The following SPOP variants were observed in gnomAD, a reference collection of about 807,000 sequenced individuals.
The protein encoded by SPOP is speckle type BTB/POZ protein.
A neutral mutation model predicts 45.6 loss-of-function variants in SPOP; 11 were observed. The ratio of observed to expected loss-of-function variants is 0.24; its 90% CI spans 0.15 to 0.40. The LOEUF (loss-of-function observed/expected upper bound fraction) is 0.40. SPOP is among the 10% of genes least tolerant of loss of function. The probability of loss-of-function intolerance (pLI) is 1.00; values close to 1 mark genes in which losing one functional copy is unlikely to be tolerated. For missense variants in SPOP, 152 were observed against 465.6 expected (o/e 0.33, Z 6.20); for synonymous variants, 166 against 166.3 (o/e 1.00, Z 0.01).
At chr17:49,602,733 A>G (rs2071763323) in intron 8 of SPOP, among the ~76,000 whole-genome samples, 1 of 152,226 alleles carries the variant, frequency 6.6e-6, no homozygotes, top group African/African-American at 2.4e-5. Context: ...GGGTAAAAGG[A>G]CAAAGTGGCA....
intron 1 of SPOP, among the ~76,000 whole-genome samples, chr17:49,633,543 A>G (rs115031890): frequency 0.014 from 2,158 of 152,276 alleles, 64 homozygotes; most frequent in African/African-American, 0.05. Context: ...AAAAATCAAA[A>G]AAGCAGAAAA....
At chr17:49,664,607 G>C (rs759690921) in intron 1 of SPOP, among the ~76,000 whole-genome samples, 1 of 152,260 alleles carries the variant, frequency 6.6e-6, no homozygotes, top group Non-Finnish European at 1.5e-5. Flanking sequence ...AGACGACAGT[G>C]AGAATCACTG....
chr17:49,662,643 C>T (rs572246485), intron 1 of SPOP, among the ~76,000 whole-genome samples: 49 of 151,392 alleles, frequency 3.2e-4, no homozygotes, highest in South Asian at 2.9e-3. Context: ...GCCAAGATTG[C>T]GCCACTGCAC....
At chr17:49,610,748 C>T (rs1449250111) in intron 6 of SPOP, among the ~76,000 whole-genome samples, 1 of 152,174 alleles carries the variant, frequency 6.6e-6, no homozygotes, top group Non-Finnish European at 1.5e-5. Flanking sequence ...TCAGTCCTTC[C>T]TCATCAGTTC....
intron 6 of SPOP, among the ~76,000 whole-genome samples, chr17:49,609,520 C>G (rs186577757): frequency 5.9e-5 from 9 of 152,182 alleles, no homozygotes; most frequent in Admixed American, 5.2e-4. Flanking sequence ...TGAAGCAGAT[C>G]CTCAGGGCTC....
chr17:49,640,889 T>C (rs2072633962), intron 1 of SPOP, among the ~76,000 whole-genome samples: 1 of 152,152 alleles, frequency 6.6e-6, no homozygotes, highest in South Asian at 2.1e-4. Flanking sequence ...TTCCCCTAGA[T>C]GTTCTCAGGG....
At chr17:49,672,776 G>A (rs901726738) in intron 1 of SPOP, among the ~76,000 whole-genome samples, 4 of 151,966 alleles carry the variant, frequency 2.6e-5, no homozygotes, top group Non-Finnish European at 4.4e-5. Flanking sequence ...GTGAAACCCC[G>A]TCTCTACTAA....
At chr17:49,657,017 T>TA (rs761748523) in intron 1 of SPOP, among the ~76,000 whole-genome samples, 32 of 150,424 alleles carry the variant, frequency 2.1e-4, no homozygotes, top group Non-Finnish European at 3.8e-4. Context: ...CCGTCTCTAC[T>TA]AAAAAAAAAT....
chr17:49,655,819 T>A (rs148351066), intron 1 of SPOP, among the ~76,000 whole-genome samples: 2,346 of 151,836 alleles, frequency 0.015, 24 homozygotes, highest in Middle Eastern at 0.034. Context: ...ATGAAAAAAA[T>A]TTTTTTTTGA....
intron 1 of SPOP, among the ~76,000 whole-genome samples, chr17:49,677,548 T>C (rs1311580871): frequency 1.3e-5 from 2 of 152,218 alleles, no homozygotes; most frequent in East Asian, 3.9e-4. Flanking sequence ...CGCAGGTCCC[T>C]GCAACACCGC....
Position 49,600,513 on chromosome 17 carries a change from C to G in SPOP, c.990G>C (p.Ser330=). 2 of 1,613,924 alleles carry G rather than the reference C, an allele frequency of 1.2e-6. No homozygotes were observed. The highest frequency in any genetic ancestry group is 1.1e-5 in the South Asian group (1 of 91,074). The change falls in exon 10 of 10, where the codon TCG becomes TCC. Residue 330 remains serine, a synonymous_variant. Transcript: ENST00000504102. The surrounding 1 kb of genome is among the most constrained non-coding windows in gnomAD (Gnocchi z 4.2). ...QAVDFINYHA[S]DVLETSGWKS... is the part of the protein sequence containing the mutation. ...TCCACCCAGAGGTCTCCAAGACATC[C>G]GAAGCATGACTAGGAGAAATGTGGA...
intron 1 of SPOP, among the ~76,000 whole-genome samples, chr17:49,658,098 T>C (rs2072939244): frequency 6.6e-6 from 1 of 152,296 alleles, no homozygotes; most frequent in African/African-American, 2.4e-5. Context: ...CAGAATTCTA[T>C]GTAGTTACTT....
At chr17:49,627,564 TC>T (rs1597937028) in intron 1 of SPOP, among the ~76,000 whole-genome samples, 2 of 152,282 alleles carry the variant, frequency 1.3e-5, no homozygotes, top group East Asian at 3.9e-4. Context: ...CACTGAGTAA[TC>T]CTAAAATACC....
intron 1 of SPOP, among the ~76,000 whole-genome samples, chr17:49,658,226 A>T (rs1470033360): frequency 3.3e-5 from 5 of 152,212 alleles, no homozygotes; most frequent in African/African-American, 7.2e-5. Flanking sequence ...GCACATACAC[A>T]TTTAGAGAAA....
At position 49,600,726 on chromosome 17, in the gene SPOP, C is replaced by T. The variant is rs896038541; in HGVS notation, c.981-204G>A. On this transcript the variant is annotated intron_variant, in intron 9 of 9. Coordinates refer to ENST00000504102, the MANE Select transcript of SPOP (RefSeq NM_001007228.2). The surrounding 1 kb of genome is among the most constrained non-coding windows in gnomAD (Gnocchi z 4.2). Reference sequence around the variant, plus strand: ...CCTGTGGCTGTCGTCATCTGAAAACCAAGACTTTGAGCCACTATATTCTCA... The same window carrying T: ...CCTGTGGCTGTCGTCATCTGAAAACTAAGACTTTGAGCCACTATATTCTCA... 2.1e-5 allele frequency: 12 copies of T among 583,154 alleles called. No homozygotes were observed. Among genetic ancestry groups the T allele is most frequent in the African/African-American group, 3.7e-5 (2 of 53,524 alleles). 36.1% of individuals were successfully genotyped at this position (583,154 alleles called of 1,614,324 possible). A position where few individuals can be genotyped will look rare whatever the true frequency, so the allele number is the denominator to read the frequency against.
At chr17:49,650,047 A>G (rs2072820466) in intron 1 of SPOP, among the ~76,000 whole-genome samples, 1 of 150,892 alleles carries the variant, frequency 6.6e-6, no homozygotes, top group South Asian at 2.1e-4. Context: ...ATGCGCCACC[A>G]TGCCCGGCTA....
At chr17:49,649,945 A>G (rs553484100) in intron 1 of SPOP, among the ~76,000 whole-genome samples, 19 of 152,082 alleles carry the variant, frequency 1.2e-4, no homozygotes, top group South Asian at 8.3e-4. Context: ...AGGCTGGAGT[A>G]CAATGGCACG....
intron 1 of SPOP, among the ~76,000 whole-genome samples, chr17:49,651,236 G>A (rs1028376126): frequency 6.6e-6 from 1 of 152,194 alleles, no homozygotes; most frequent in African/African-American, 2.4e-5. Context: ...TTACCATTAA[G>A]TAGGGTCCAA....
chr17:49,638,820 T>A lies in SPOP; in HGVS notation c.-66-15944A>T, dbSNP rs184035228. On this transcript the variant is annotated intron_variant, in intron 1 of 9. Coordinates refer to ENST00000504102, the MANE Select transcript of SPOP (RefSeq NM_001007228.2). ...TGAGGTCAGGAGTTCGAGACTAGCC[T>A]GGCCAATGTGGTAAAACCCTGTCTC... is the stretch of plus-strand genomic sequence containing the variant. Among the ~76,000 whole-genome samples the A allele has an allele frequency of 1.5e-3, 233 of 152,282 alleles. 2 individuals are homozygous for A. Among genetic ancestry groups the A allele is most frequent in the Non-Finnish European group, 1.8e-4 (12 of 68,018 alleles).
Sources: gnomAD v4.1 joint callset for allele counts (sites outside exome capture counted in the v4.1 genomes callset) on GRCh38, gnomAD v4.1.1 for gene constraint, Gnocchi (gnomAD v3.1) non-coding constraint, MANE v1.5 for transcripts, NCBI Gene and HGNC (gene_info 2026-07-23, HGNC 2026-07-21) for gene names.